SHROOM2: variants seen among roughly 807,000 people sequenced by gnomAD.
The protein encoded by SHROOM2 is protein Shroom2.
Under a neutral mutation model 75.9 loss-of-function variants are expected in SHROOM2, and 33 were observed. The ratio of observed to expected loss-of-function variants is 0.43; its 90% CI spans 0.33 to 0.58. SHROOM2 has a LOEUF of 0.58. SHROOM2 is among the 20% of genes least tolerant of loss of function. The pLI, the probability that SHROOM2 is intolerant of heterozygous loss-of-function variation, is 0.04. For synonymous variants in SHROOM2, 655 were observed against 663.6 expected (o/e 0.99, Z 0.20); for missense variants, 1,434 against 1,461.2 (o/e 0.98, Z 0.30).
intron 1 of SHROOM2, among the ~76,000 whole-genome samples, chrX:9,868,063 CA>C (rs767196848): frequency 9.1e-6 from 1 of 109,956 alleles, no homozygotes; most frequent in East Asian, 2.9e-4. Flanking sequence ...GAGTCAGACA[CA>C]GAACTGTGTC....
At chrX:9,891,708 T>C (rs1158803620) in intron 3 of SHROOM2, among the ~76,000 whole-genome samples, 1 of 110,744 alleles carries the variant, frequency 9.0e-6, no homozygotes. Flanking sequence ...GCATGTGTAT[T>C]TCTACACGTT....
intron 8 of SHROOM2, among the ~76,000 whole-genome samples, chrX:9,943,802 C>T (rs760522260): frequency 1.8e-5 from 2 of 112,422 alleles, no homozygotes; most frequent in Non-Finnish European, 3.8e-5. Flanking sequence ...TAAGTTCATT[C>T]GTATCCCTTT....
chrX:9,885,810 T>G (rs144753252), intron 2 of SHROOM2, among the ~76,000 whole-genome samples: 3,026 of 109,232 alleles, frequency 0.028, 127 homozygotes, highest in African/African-American at 0.096. Flanking sequence ...AAAGTTAGCT[T>G]GGCGTGGTGG....
At chrX:9,932,044 G>A in intron 5 of SHROOM2, 131 bp from the exon 6 acceptor site, 1 of 544,133 alleles carries the variant, frequency 1.8e-6, no homozygotes, top group Non-Finnish European at 2.7e-6. Context: ...GTGGCGACAG[G>A]TGTGGGAAAG....
intron 5 of SHROOM2, among the ~76,000 whole-genome samples, chrX:9,926,501 G>T (rs1467014655): frequency 1.8e-5 from 2 of 111,417 alleles, no homozygotes; most frequent in African/African-American, 6.5e-5. Flanking sequence ...TGGTGCCATT[G>T]CCGTGCTGCT....
At chrX:9,892,389 G>T (rs1374342271) in intron 3 of SHROOM2, among the ~76,000 whole-genome samples, 1 of 109,545 alleles carries the variant, frequency 9.1e-6, no homozygotes, top group Non-Finnish European at 1.9e-5. Context: ...GGTATTTAGA[G>T]CCCAGTGTAT....
At chrX:9,807,693 C>G (rs942487257) in intron 1 of SHROOM2, among the ~76,000 whole-genome samples, 2 of 112,019 alleles carry the variant, frequency 1.8e-5, no homozygotes, top group Non-Finnish European at 3.8e-5. Context: ...GATTAATTTG[C>G]TTTTCTTTCC....
At chrX:9,922,411 T>C (rs1273774102) in intron 5 of SHROOM2, among the ~76,000 whole-genome samples, 2 of 109,832 alleles carry the variant, frequency 1.8e-5, no homozygotes, top group South Asian at 3.9e-4. Flanking sequence ...TCCAGAAAGC[T>C]CCTTTGTACT....
At chrX:9,816,610 G>A (rs749550864) in intron 1 of SHROOM2, among the ~76,000 whole-genome samples, 1 of 110,279 alleles carries the variant, frequency 9.1e-6, no homozygotes, top group African/African-American at 3.4e-5. Context: ...TGCTGCTGCT[G>A]CTACTTTCTG....
chrX:9,867,039 G>C (rs991558266), intron 1 of SHROOM2, among the ~76,000 whole-genome samples: 1 of 110,844 alleles, frequency 9.0e-6, no homozygotes, highest in African/African-American at 3.3e-5. Context: ...GCGTGAGCCT[G>C]CTCCCCCGCT....
At chrX:9,836,954 C>T (rs780664304) in intron 1 of SHROOM2, among the ~76,000 whole-genome samples, 1 of 112,489 alleles carries the variant, frequency 8.9e-6, no homozygotes, top group South Asian at 3.7e-4. Context: ...ACTCCCTGTA[C>T]ATGGAATCCT....
intron 1 of SHROOM2, among the ~76,000 whole-genome samples, chrX:9,855,245 T>C (rs759121011): frequency 4.8e-4 from 40 of 84,102 alleles, no homozygotes; most frequent in African/African-American, 1.8e-3. Context: ...TGTATACCTA[T>C]GTAACAAACC....
intron 5 of SHROOM2, among the ~76,000 whole-genome samples, chrX:9,912,107 A>AACACACAC (rs61080253): frequency 0.016 from 431 of 26,445 alleles, 15 homozygotes; most frequent in Non-Finnish European, 0.025. Context: ...CCTTTCTCCA[A>AACACACAC]ACACACACAC....
At chrX:9,816,515 A>T (rs1166366750) in intron 1 of SHROOM2, among the ~76,000 whole-genome samples, 1 of 112,124 alleles carries the variant, frequency 8.9e-6, no homozygotes, top group Admixed American at 9.4e-5. Context: ...TCAGGAAGAC[A>T]TGCCTGGTCA....
intron 5 of SHROOM2, among the ~76,000 whole-genome samples, chrX:9,918,343 C>T (rs372122307): frequency 8.9e-6 from 1 of 112,490 alleles, no homozygotes; most frequent in African/African-American, 3.2e-5. Flanking sequence ...AAACAACAGA[C>T]TTTTATTGCT....
chrX:9,938,440 C>T (rs2084736829), intron 7 of SHROOM2, among the ~76,000 whole-genome samples: 1 of 110,669 alleles, frequency 9.0e-6, no homozygotes, highest in Admixed American at 9.7e-5. Flanking sequence ...GTAGTCCCAG[C>T]TACTCGAGAG....
chrX:9,837,490 G>C (rs939403370), intron 1 of SHROOM2, among the ~76,000 whole-genome samples: 1 of 112,287 alleles, frequency 8.9e-6, no homozygotes, highest in African/African-American at 3.2e-5. Context: ...ATGATGAAAC[G>C]TGTGGTGTGC....
chrX:9,805,593 G>T (rs946489147), intron 1 of SHROOM2, among the ~76,000 whole-genome samples: 7 of 107,899 alleles, frequency 6.5e-5, no homozygotes, highest in African/African-American at 2.2e-4. Context: ...AAAATTAGCC[G>T]GGCATGGTTG....
intron 1 of SHROOM2, among the ~76,000 whole-genome samples, chrX:9,791,974 TAG>T (rs2083651778): frequency 9.7e-3 from 1 of 103 alleles, no homozygotes; most frequent in Non-Finnish European, 0.019. Context: ...ATCTCGAGAA[TAG>T]AATAGAATAG....
Sources: gnomAD v4.1 joint callset for allele counts (sites outside exome capture counted in the v4.1 genomes callset) on GRCh38, gnomAD v4.1.1 for gene constraint, MANE v1.5 for transcripts, NCBI Gene and HGNC (gene_info 2026-07-23, HGNC 2026-07-21) for gene names.